The following CD1B variants were observed in gnomAD, a reference collection of about 807,000 sequenced individuals.
The protein encoded by CD1B is T-cell surface glycoprotein CD1b.
Under a neutral mutation model 39.8 loss-of-function variants are expected in CD1B, and 43 were observed. The ratio of observed to expected loss-of-function variants is 1.08; its 90% CI spans 0.85 to 1.39. The LOEUF (loss-of-function observed/expected upper bound fraction) is 1.39, where lower values mean the gene tolerates loss of function less well. Ranked by LOEUF, CD1B falls within the 40% of genes most tolerant of loss-of-function variation. The pLI is 0.00. For missense variants in CD1B, 495 were observed against 403.8 expected, an observed-to-expected ratio of 1.23 and a Z score of -1.94; for synonymous variants, 192 against 152.5, an observed-to-expected ratio of 1.26 and a Z score of -1.91.
At chr1:158,291,076 T>G in the CD1B span, 1 of 1,542,122 alleles carries the variant, frequency 6.5e-7, no homozygotes, top group Non-Finnish European at 8.8e-7. Context: ...TCTCTCCATT[T>G]TCCTTGCCTC....
At chr1:158,302,763 A>G in the CD1B span, among the ~76,000 whole-genome samples, 1 of 152,214 alleles carries the variant, frequency 6.6e-6, no homozygotes, top group Admixed American at 6.5e-5. Context: ...ACAGATCAAT[A>G]ATGAGTTCCA....
rs1652430856 is a variant in CD1B, at chr1:158,328,198, G to A, written c.*38C>T. 6.4e-7 allele frequency: 1 copy of A among 1,561,706 alleles called. No homozygotes were observed. Among genetic ancestry groups the A allele is most frequent in the Non-Finnish European group, 8.8e-7 (1 of 1,135,218 alleles). On this transcript the variant is annotated 3_prime_UTR_variant, in exon 6 of 6. Coordinates refer to ENST00000368168, the MANE Select transcript of CD1B (RefSeq NM_001764.3). ...TTGGGCTGATATCTTGGGCTTCTTG[G>A]TACTTATTGCGAATGGGAGAGGAGA...
At position 158,329,377 on chromosome 1, in the gene CD1B, G is replaced by C; in HGVS notation, c.879C>G (p.Leu293=). Reference sequence around the variant, plus strand: ...GTCCCTGCTATTTCTTACTCCAGTAGAGGATGATGTCCTGGCCCTCTAAAC... The same window carrying C: ...GTCCCTGCTATTTCTTACTCCAGTACAGGATGATGTCCTGGCCCTCTAAAC... ...HSSLEGQDII[L]YWRNPTSIGS... Residue 293 remains leucine, a synonymous_variant, in exon 4 of 6, where the codon CTC becomes CTG. Transcript: ENST00000368168. 1 of 1,613,304 alleles carries C rather than the reference G, an allele frequency of 6.2e-7. No homozygotes were observed. The highest frequency in any genetic ancestry group is 8.5e-7 in the Non-Finnish European group (1 of 1,179,440).
the CD1B span, among the ~76,000 whole-genome samples, chr1:158,312,240 A>G: frequency 6.6e-6 from 1 of 152,128 alleles, no homozygotes; most frequent in African/African-American, 2.4e-5. Flanking sequence ...AATCATGGGG[A>G]CAAGTCTTTC....
the CD1B span, among the ~76,000 whole-genome samples, chr1:158,296,565 C>T: frequency 6.6e-6 from 1 of 152,322 alleles, no homozygotes; most frequent in Non-Finnish European, 1.5e-5. Flanking sequence ...CAAATGAACA[C>T]ACTAGCTCCC....
At chr1:158,302,415 A>G in the CD1B span, among the ~76,000 whole-genome samples, 2 of 152,150 alleles carry the variant, frequency 1.3e-5, no homozygotes, top group African/African-American at 2.4e-5. Flanking sequence ...TAAAGCTAGC[A>G]GAAGACAAGA....
chr1:158,314,267 T>A, the CD1B span, among the ~76,000 whole-genome samples: 1 of 152,072 alleles, frequency 6.6e-6, no homozygotes, highest in South Asian at 2.1e-4. Context: ...GTATTTTTAG[T>A]AGAGATGGGG....
At chr1:158,299,086 T>G in the CD1B span, among the ~76,000 whole-genome samples, 1 of 152,206 alleles carries the variant, frequency 6.6e-6, no homozygotes, top group African/African-American at 2.4e-5. Context: ...CATCCTTGTC[T>G]TGTGCCAGTT....
In CD1B at chr1:158,329,100, T is replaced by C. The variant is rs542025787; in HGVS notation, c.887-86A>G. ...CCTTCCTTTGCCCACCTACTTCCAA[T>C]GTATGGTCATTTCCAACTTCCTCTC... On this transcript the variant is annotated intron_variant, in intron 4 of 5. Coordinates refer to ENST00000368168, the MANE Select transcript of CD1B (RefSeq NM_001764.3). The C allele has an allele frequency of 1.9e-5, 22 of 1,147,024 alleles. No individual in the cohort carries two copies. The African/African-American group carries it at 3.1e-4, about 16-fold the overall frequency. 71.1% of individuals were successfully genotyped at this position (1,147,024 alleles called of 1,614,324 possible).
At chr1:158,329,258 C>A in intron 4 of CD1B, 112 bp downstream of exon 4, 2 of 1,325,960 alleles carry the variant, frequency 1.5e-6, no homozygotes, top group Admixed American at 2.4e-5. Context: ...GGAAATCAAT[C>A]AATCAATCTC....
At chr1:158,292,228 T>C in the CD1B span, 1 of 1,614,178 alleles carries the variant, frequency 6.2e-7, no homozygotes, top group Non-Finnish European at 8.5e-7. Flanking sequence ...TGTGGAAGTT[T>C]GGCCCAAAGT....
chr1:158,318,827 C>G, the CD1B span, among the ~76,000 whole-genome samples: 2 of 152,136 alleles, frequency 1.3e-5, no homozygotes, highest in Non-Finnish European at 2.9e-5. Context: ...ATGTTTAGCG[C>G]TTCCTTCAGG....
rs766482867 is a variant in CD1B at position 158,329,991 on chromosome 1, G to A, written c.468C>T (p.Gly156=). 1.4e-5 allele frequency: 23 copies of A among 1,613,926 alleles called. No individual in the cohort carries two copies. The South Asian group carries it at 2.3e-4, about 16-fold the overall frequency. The change falls in exon 3 of 6, where the codon GGC becomes GGT. Residue 156 remains glycine, a synonymous_variant. Transcript: ENST00000368168. Reference sequence around the variant, plus strand: ...GTGCACAGAATTTCTGTGCCCTGCTGCCACCTTCTGGGGAAGGCACACATG... The same window carrying A: ...GTGCACAGAATTTCTGTGCCCTGCTACCACCTTCTGGGGAAGGCACACATG... The part of the protein sequence containing the change: ...NASCVPSPEG[G]SRAQKFCALI...
the CD1B span, among the ~76,000 whole-genome samples, chr1:158,285,547 A>G: frequency 6.6e-6 from 1 of 152,244 alleles, no homozygotes; most frequent in East Asian, 1.9e-4. Context: ...ATGAGATCAT[A>G]GAAAAGTTAA....
At chr1:158,306,961 G>A in the CD1B span, among the ~76,000 whole-genome samples, 1 of 152,088 alleles carries the variant, frequency 6.6e-6, no homozygotes, top group Non-Finnish European at 1.5e-5. Flanking sequence ...AGCACTAAAT[G>A]CCCACTAGAG....
the CD1B span, among the ~76,000 whole-genome samples, chr1:158,311,947 C>T: frequency 6.6e-6 from 1 of 151,986 alleles, no homozygotes; most frequent in African/African-American, 2.4e-5. Flanking sequence ...ACAGATTTGC[C>T]CTTTTTGCTC....
the CD1B span, among the ~76,000 whole-genome samples, chr1:158,321,547 G>A: frequency 1.3e-5 from 2 of 152,100 alleles, no homozygotes; most frequent in Non-Finnish European, 2.9e-5. Context: ...CTGACATTTT[G>A]TTACTTCTTT....
chr1:158,293,499 A>G, the CD1B span: 1 of 1,613,972 alleles, frequency 6.2e-7, no homozygotes. Flanking sequence ...TGACTCCCCC[A>G]TTGTGTTAAG....
chr1:158,292,585 G>T, the CD1B span: 2 of 1,609,242 alleles, frequency 1.2e-6, no homozygotes, highest in Non-Finnish European at 1.7e-6. Context: ...CACTTTTTCT[G>T]CTCTCTGCAG....
Sources: allele counts gnomAD v4.1 joint callset (sites outside exome capture counted in the v4.1 genomes callset), GRCh38; gene constraint gnomAD v4.1.1; transcripts MANE v1.5; gene names NCBI Gene and HGNC (gene_info 2026-07-23, HGNC 2026-07-21).